The following HDAC8 variants were observed in gnomAD, a reference collection of about 807,000 sequenced individuals.
HDAC8 encodes histone deacetylase-like 1.
In HDAC8, 1 loss-of-function variant was observed where a neutral mutation model predicts 32.2. The observed-to-expected ratio is 0.03, with a 90% confidence interval of 0.01 to 0.15. The LOEUF is 0.15. Among genes scored for constraint, HDAC8 ranks in the 10% least tolerant of loss-of-function variants. The pLI is 1.00. For synonymous variants in HDAC8, 108 were observed against 113.9 expected, an observed-to-expected ratio of 0.95 and a Z score of 0.33; for missense variants, 117 against 300.0, an observed-to-expected ratio of 0.39 and a Z score of 4.51.
At chrX:72,438,513 T>G in intron 9 of HDAC8, among the ~76,000 whole-genome samples, 1 of 111,376 alleles carries the variant, frequency 9.0e-6, no homozygotes. Context: ...AACAAACTCC[T>G]CCAAGCTAAA....
At chrX:72,503,394 A>C (rs932898632) in intron 4 of HDAC8, among the ~76,000 whole-genome samples, 8 of 112,228 alleles carry the variant, frequency 7.1e-5, no homozygotes, top group African/African-American at 2.6e-4. Flanking sequence ...TGGAAAAAGA[A>C]CTAATTACAT....
chrX:72,434,231 A>G (rs1453035046), intron 9 of HDAC8, among the ~76,000 whole-genome samples: 1 of 111,663 alleles, frequency 9.0e-6, no homozygotes. Flanking sequence ...TACTTTTCTC[A>G]TTGGTAAATG....
At chrX:72,490,496 C>T (rs1236954139) in intron 6 of HDAC8, among the ~76,000 whole-genome samples, 11 of 105,718 alleles carry the variant, frequency 1.0e-4, no homozygotes, top group South Asian at 4.5e-4. Context: ...AGTAAACTAT[C>T]GCGAGAACAG....
chrX:72,519,366 A>T (rs1175777924), intron 4 of HDAC8, among the ~76,000 whole-genome samples: 1 of 111,894 alleles, frequency 8.9e-6, no homozygotes, highest in Non-Finnish European at 1.9e-5. Context: ...TTAACTTCTT[A>T]AGAAACTGTC....
chrX:72,371,758 A>G (rs1284553006), intron 9 of HDAC8, among the ~76,000 whole-genome samples: 2 of 112,089 alleles, frequency 1.8e-5, no homozygotes, highest in Non-Finnish European at 3.8e-5. Flanking sequence ...TCATTCATTT[A>G]TTTAAGAATA....
intron 4 of HDAC8, among the ~76,000 whole-genome samples, chrX:72,551,174 A>G (rs1014269486): frequency 1.2e-4 from 13 of 111,113 alleles, no homozygotes; most frequent in Non-Finnish European, 2.3e-4. Context: ...AAATATGAAT[A>G]ATGATTTTAA....
At chrX:72,364,587 A>C (rs1555953725) in intron 9 of HDAC8, among the ~76,000 whole-genome samples, 1 of 112,124 alleles carries the variant, frequency 8.9e-6, no homozygotes, top group Non-Finnish European at 1.9e-5. Context: ...CCATACAATA[A>C]GCTCTTCAAG....
At chrX:72,355,222 G>A (rs1001264112) in intron 9 of HDAC8, among the ~76,000 whole-genome samples, 9 of 112,345 alleles carry the variant, frequency 8.0e-5, no homozygotes, top group African/African-American at 2.9e-4. Flanking sequence ...CAAAAGAGAT[G>A]TTGGAGTGGA....
chrX:72,494,219 A>G (rs1033051757), intron 5 of HDAC8, among the ~76,000 whole-genome samples: 2 of 111,438 alleles, frequency 1.8e-5, no homozygotes, highest in Non-Finnish European at 3.8e-5. Flanking sequence ...TCATCGTTCC[A>G]TGGTAGCATC....
At chrX:72,487,461 C>T (rs781839273) in intron 7 of HDAC8, among the ~76,000 whole-genome samples, 36 of 110,762 alleles carry the variant, frequency 3.3e-4, no homozygotes, top group Non-Finnish European at 5.9e-4. Context: ...AGTGAAATGC[C>T]AAGTTGATGG....
intron 7 of HDAC8, among the ~76,000 whole-genome samples, chrX:72,470,947 T>C (rs1316907541): frequency 8.9e-6 from 1 of 112,149 alleles, no homozygotes; most frequent in Non-Finnish European, 1.9e-5. Context: ...AACATCACAA[T>C]GAATTTTAGA....
chrX:72,444,231 CA>C (rs1312244716), intron 9 of HDAC8, among the ~76,000 whole-genome samples: 1 of 96,428 alleles, frequency 1.0e-5, no homozygotes, highest in Non-Finnish European at 2.0e-5. Flanking sequence ...GAGACACAAC[CA>C]AAAAAGAGAA....
chrX:72,461,683 C>T (rs1390431209), intron 9 of HDAC8, among the ~76,000 whole-genome samples: 1 of 111,604 alleles, frequency 9.0e-6, no homozygotes, highest in Non-Finnish European at 1.9e-5. Flanking sequence ...TAGCCCCTTC[C>T]TTTTTGAGGC....
chrX:72,499,326 A>G (rs2049133194), intron 4 of HDAC8, among the ~76,000 whole-genome samples: 1 of 111,733 alleles, frequency 8.9e-6, no homozygotes, highest in Admixed American at 9.6e-5. Flanking sequence ...ACAACAAAAT[A>G]TACACTCTTC....
intron 9 of HDAC8, among the ~76,000 whole-genome samples, chrX:72,367,052 A>G (rs936587818): frequency 5.3e-5 from 6 of 112,501 alleles, no homozygotes; most frequent in Admixed American, 3.8e-4. Context: ...TCCTGCTGGT[A>G]AGAAGGGAGT....
At chrX:72,389,560 T>C (rs1285540984) in intron 9 of HDAC8, among the ~76,000 whole-genome samples, 5 of 111,913 alleles carry the variant, frequency 4.5e-5, no homozygotes, top group Admixed American at 9.5e-5. Flanking sequence ...AGGTGGATAA[T>C]GAGGATCGCC....
rs1274795988 is a variant in HDAC8 at position 72,474,532 on chromosome X, G to A, written c.738-9801C>T. ...ATCTCTTATCCAGAAAGGAGGGGGAGGACAGGCATCTCTTTATACTACATT... is the reference window on the plus strand; with the variant it reads ...ATCTCTTATCCAGAAAGGAGGGGGAAGACAGGCATCTCTTTATACTACATT... On this transcript the variant is annotated intron_variant, in intron 7 of 10. Transcript: ENST00000373573. 1.8e-5 allele frequency: 20 copies of A among 1,095,671 alleles called. No individual in the cohort carries two copies. In the South Asian group the frequency reaches 3.8e-4, roughly 21 times the overall value. 90.3% of individuals were successfully genotyped at this position (1,095,671 alleles called of 1,213,427 possible).
At chrX:72,542,373 A>G (rs1209937645) in intron 4 of HDAC8, among the ~76,000 whole-genome samples, 2 of 112,225 alleles carry the variant, frequency 1.8e-5, no homozygotes, top group Non-Finnish European at 3.8e-5. Context: ...AGTTGGTGCT[A>G]CTGTAATCAC....
intron 9 of HDAC8, among the ~76,000 whole-genome samples, chrX:72,375,121 G>A (rs949959692): frequency 1.8e-5 from 2 of 112,228 alleles, no homozygotes; most frequent in Non-Finnish European, 3.8e-5. Context: ...ACTGTGCCCA[G>A]CCTGTTGTGA....
Sources: allele counts gnomAD v4.1 joint callset (sites outside exome capture counted in the v4.1 genomes callset), GRCh38; gene constraint gnomAD v4.1.1; transcripts MANE v1.5; gene names NCBI Gene and HGNC (gene_info 2026-07-23, HGNC 2026-07-21).